The following C2CD2 variants were observed in gnomAD, a reference collection of about 807,000 sequenced individuals.
The protein encoded by C2CD2 is C2 calcium dependent domain containing 2.
In C2CD2, 43 loss-of-function variants were observed where a neutral mutation model predicts 74.3. The ratio of observed to expected loss-of-function variants is 0.58; its 90% confidence interval spans 0.45 to 0.75. The LOEUF is 0.75. Among genes scored for constraint, C2CD2 ranks in the 30% least tolerant of loss-of-function variants. C2CD2 has a pLI of 0.00. For synonymous variants in C2CD2, 422 were observed against 390.7 expected, an observed-to-expected ratio of 1.08 and a Z score of -0.94; for missense variants, 801 against 916.3, an observed-to-expected ratio of 0.87 and a Z score of 1.63.
chr21:41,908,116 C>A, intron 8 of C2CD2: 1 of 348,482 alleles, frequency 2.9e-6, no homozygotes, highest in Non-Finnish European at 5.3e-6. Flanking sequence ...TAAGGAATTG[C>A]AGCAATGTAA....
chr21:41,916,241 G>C (rs1421056227), intron 5 of C2CD2, among the ~76,000 whole-genome samples: 4 of 152,144 alleles, frequency 2.6e-5, no homozygotes, highest in Admixed American at 2.0e-4. Context: ...GTGTCGACTT[G>C]ACTGGGCCAT....
At position 41,885,793 on chromosome 21, in the gene C2CD2, G is replaced by A. The variant is rs773262452; in HGVS notation, c.*3331C>T. 2.0e-5 allele frequency: 3 copies of A among 152,302 alleles called. No homozygotes were observed. The highest frequency in any genetic ancestry group is 6.5e-5 in the Admixed American group (1 of 15,278). The allele number at this position is 152,302 out of a possible 1,614,324, so 9.4% of individuals were successfully genotyped here. The stretch of plus-strand genomic sequence containing the variant: ...AGCAACTTTGCAACTCTCGTCTATA[G>A]AGGTGGCCAGTAAAACCCAAGCAAA... On this transcript the variant is annotated 3_prime_UTR_variant, in exon 14 of 14. Coordinates refer to ENST00000380486, the MANE Select transcript of C2CD2 (RefSeq NM_015500.2).
intron 9 of C2CD2, 123 bp downstream of exon 9, chr21:41,907,534 TCTC>T: frequency 4.0e-6 from 4 of 1,011,312 alleles, no homozygotes; most frequent in Non-Finnish European, 5.7e-6. Context: ...TGAAACAGCA[TCTC>T]CTCTTGGAGG....
At chr21:41,909,382 C>A in intron 8 of C2CD2, 77 bp downstream of exon 8, 1 of 967,528 alleles carries the variant, frequency 1.0e-6, no homozygotes, top group Non-Finnish European at 1.7e-6. Context: ...TCTCCCACCG[C>A]CCTTTTCCTG....
rs2065470933 is a variant in C2CD2, at chr21:41,953,772, G to A, written c.-124C>T. ...GGCGTGGAGGGGGCGCGGCGGGGTC[G>A]GAGCCCGGCGAGGAGCGTGGCCGGG... On this transcript the variant is annotated 5_prime_UTR_variant, in exon 1 of 14. Coordinates refer to ENST00000380486, the MANE Select transcript of C2CD2 (RefSeq NM_015500.2). 3 of 936,632 alleles carry A rather than the reference G, an allele frequency of 3.2e-6. No homozygotes were observed. The highest frequency in any genetic ancestry group is 4.1e-6 in the Non-Finnish European group (3 of 726,542). The allele number at this position is 936,632 out of a possible 1,614,324, so 58.0% of individuals were successfully genotyped here.
chr21:41,916,707 TC>T (rs2065096367), intron 5 of C2CD2, among the ~76,000 whole-genome samples: 1 of 143,342 alleles, frequency 7.0e-6, no homozygotes, highest in Non-Finnish European at 1.5e-5. Flanking sequence ...ACACACACAC[TC>T]CCATTGGTTC....
intron 2 of C2CD2, among the ~76,000 whole-genome samples, chr21:41,931,573 C>A (rs1434669894): frequency 6.7e-6 from 1 of 149,726 alleles, no homozygotes; most frequent in Admixed American, 6.7e-5. Flanking sequence ...CAGGCGCGTG[C>A]CACCACGCCC....
rs747435138 is a variant in C2CD2 at position 41,926,466 on chromosome 21, G to A, written c.379-4381C>T. The A allele has an allele frequency of 3.3e-6, 3 of 917,210 alleles. No homozygotes were observed. Among genetic ancestry groups the A allele is most frequent in the Non-Finnish European group, 3.9e-6 (3 of 767,804 alleles). 56.8% of individuals were successfully genotyped at this position (917,210 alleles called of 1,614,324 possible). On this transcript the variant is annotated intron_variant, in intron 2 of 13. Coordinates refer to ENST00000380486, the MANE Select transcript of C2CD2 (RefSeq NM_015500.2). The surrounding 1 kb of genome is among the most constrained non-coding windows in gnomAD (Gnocchi z 8.0). ...AGCAGATGGAAGCACCACGGGGAGGGGAAAACAAGACTGAAGGCTGAAGAG... is the reference window on the plus strand; with the variant it reads ...AGCAGATGGAAGCACCACGGGGAGGAGAAAACAAGACTGAAGGCTGAAGAG...
intron 4 of C2CD2, 47 bp from the exon 5 acceptor site, chr21:41,918,274 C>T (rs1475155140): frequency 3.1e-6 from 5 of 1,602,006 alleles, no homozygotes; most frequent in Non-Finnish European, 4.3e-6. Flanking sequence ...CAAGCCCACT[C>T]CCTGCTCCCA....
In C2CD2 at chr21:41,899,041, G is replaced by A. The variant is rs372352019; in HGVS notation, c.1870+12C>T. 2.9e-5 allele frequency: 47 copies of A among 1,608,450 alleles called. No homozygotes were observed. The African/African-American group carries it at 4.0e-4, about 14-fold the overall frequency. The stretch of plus-strand genomic sequence containing the variant: ...GTGGGGGGCCCGGGATGGGGGGCTC[G>A]GGAGCAGGTACCTTTATGCTTTTTG... On this transcript the variant is annotated intron_variant, in intron 13 of 13. Coordinates refer to ENST00000380486, the MANE Select transcript of C2CD2 (RefSeq NM_015500.2). The surrounding 1 kb of genome is among the most constrained non-coding windows in gnomAD (Gnocchi z 4.4).
Position 41,907,729 on chromosome 21 carries a change from C to G in C2CD2, c.1074G>C (p.Gly358=). Residue 358 remains glycine, a synonymous_variant, in exon 9 of 14, where the codon GGG becomes GGC. Transcript: ENST00000380486. ...CGCTGGTCAGCGTGAAGCTCTGTGG[C>G]CCAGAAGGCTGCTTCTTAAATAAGT... ...PLDLFKKQPS[G]PQSFTLTSGS... The G allele has an allele frequency of 1.2e-6, 2 of 1,613,496 alleles. No homozygotes were observed. Among genetic ancestry groups the G allele is most frequent in the South Asian group, 2.2e-5 (2 of 91,054 alleles).
chr21:41,896,277 GAAGT>G (rs568120309), intron 13 of C2CD2, among the ~76,000 whole-genome samples: 8 of 152,350 alleles, frequency 5.3e-5, no homozygotes, highest in African/African-American at 1.7e-4. Flanking sequence ...GAGATGAAGA[GAAGT>G]AAGAGGCAGA....
At chr21:41,901,292 G>A in intron 12 of C2CD2, 1 of 373,570 alleles carries the variant, frequency 2.7e-6, no homozygotes, top group Non-Finnish European at 5.0e-6. Context: ...GTGACTGGGT[G>A]GTGACGAGAG....
intron 10 of C2CD2, among the ~76,000 whole-genome samples, chr21:41,906,354 GTGTTT>G (rs1022042858): frequency 6.6e-6 from 1 of 152,104 alleles, no homozygotes; most frequent in South Asian, 2.1e-4. Context: ...AATAGAGTTC[GTGTTT>G]TGTTTTGTTT....
intron 6 of C2CD2, among the ~76,000 whole-genome samples, chr21:41,912,691 A>G (rs995181382): frequency 6.6e-6 from 1 of 151,956 alleles, no homozygotes; most frequent in African/African-American, 2.4e-5. Flanking sequence ...GGGTTTCACC[A>G]TGTTGGCCAG....
At chr21:41,901,993 C>T (rs1168357159) in intron 11 of C2CD2, among the ~76,000 whole-genome samples, 1 of 152,132 alleles carries the variant, frequency 6.6e-6, no homozygotes, top group Non-Finnish European at 1.5e-5. Context: ...TTCAGTAAAA[C>T]TTTATTTACA....
rs1169188858 is a variant in C2CD2 at position 41,932,859 on chromosome 21, G to A, written c.378+9288C>T. Among the ~76,000 whole-genome samples, 5 of 150,334 alleles carry A rather than the reference G, an allele frequency of 3.3e-5. No homozygotes were observed. In the South Asian group the frequency reaches 6.4e-4, roughly 19 times the overall value. ...AAAGGTGATGACTTGGACACACCGA[G>A]GCCTTCAGGGTGGCAGGAGAAAGTC... On this transcript the variant is annotated intron_variant, in intron 2 of 13. Coordinates refer to ENST00000380486, the MANE Select transcript of C2CD2 (RefSeq NM_015500.2).
chr21:41,934,855 C>T (rs1302508216), intron 2 of C2CD2, among the ~76,000 whole-genome samples: 1 of 135,524 alleles, frequency 7.4e-6, no homozygotes, highest in African/African-American at 2.8e-5. Context: ...AGCCTTGCCT[C>T]GTTTTTTTTT....
rs1045799902 is a variant in C2CD2, at chr21:41,885,755, C to T, written c.*3369G>A. 6.6e-6 allele frequency: 1 copy of T among 152,414 alleles called. No homozygotes were observed. The highest frequency in any genetic ancestry group is 2.4e-5 in the African/African-American group (1 of 41,442). The allele number at this position is 152,414 out of a possible 1,614,324, so 9.4% of individuals were successfully genotyped here. ...GGCCAGCAGTGTAAATTAATCTTTCCCTCTCTGCTCAAAGCAACTTTGCAA... is the reference window on the plus strand; with the variant it reads ...GGCCAGCAGTGTAAATTAATCTTTCTCTCTCTGCTCAAAGCAACTTTGCAA... On this transcript the variant is annotated 3_prime_UTR_variant, in exon 14 of 14. Transcript: ENST00000380486.
Sources: allele counts gnomAD v4.1 joint callset (sites outside exome capture counted in the v4.1 genomes callset), GRCh38; gene constraint gnomAD v4.1.1; non-coding constraint Gnocchi (gnomAD v3.1); transcripts MANE v1.5; gene names NCBI Gene and HGNC (gene_info 2026-07-23, HGNC 2026-07-21).